The following GYS1 variants were observed in gnomAD, a reference collection of about 807,000 sequenced individuals.
GYS1 encodes glycogen [starch] synthase, muscle.
A neutral mutation model predicts 89.1 loss-of-function variants in GYS1; 60 were observed. That is an observed-to-expected ratio of 0.67 (90% confidence interval 0.55 to 0.84). The LOEUF (loss-of-function observed/expected upper bound fraction) is 0.84. GYS1 is among the 40% of genes least tolerant of loss of function. The pLI, the probability that GYS1 is intolerant of heterozygous loss-of-function variation, is 0.00. For synonymous variants in GYS1, 366 were observed against 401.7 expected (o/e 0.91, Z 1.06); for missense variants, 888 against 1,003.1 (o/e 0.89, Z 1.55).
At chr19:48,979,050 C>G (rs1330206924) in intron 8 of GYS1, among the ~76,000 whole-genome samples, 1 of 152,160 alleles carries the variant, frequency 6.6e-6, no homozygotes, top group East Asian at 1.9e-4. Flanking sequence ...GAATCAACCT[C>G]AGAGGTTTGC....
Position 48,972,140 on chromosome 19 carries a change from C to A in GYS1, c.1550-1117G>T, listed in dbSNP as rs868560484. ...GGTCAAGAAGAGAAAAAAAAAAAAA[C>A]CATCCTGGCCAACATGGTGAAACCC... On this transcript the variant is annotated intron_variant, in intron 12 of 15. Transcript: ENST00000323798. Among the ~76,000 whole-genome samples, 1,257 of 149,158 alleles carry A rather than the reference C, an allele frequency of 8.4e-3. 16 individuals are homozygous for A. Among genetic ancestry groups the A allele is most frequent in the African/African-American group, 0.028 (1,155 of 40,630 alleles).
chr19:48,979,652 T>C (rs1469074151), intron 8 of GYS1, among the ~76,000 whole-genome samples: 1 of 143,722 alleles, frequency 7.0e-6, no homozygotes, highest in Non-Finnish European at 1.5e-5. Flanking sequence ...CTTTCTTTTT[T>C]TTTTTTTTTT....
intron 8 of GYS1, among the ~76,000 whole-genome samples, chr19:48,980,790 G>A (rs1414555681): frequency 3.3e-5 from 5 of 152,122 alleles, no homozygotes. Flanking sequence ...GATCAGCCTG[G>A]CCAACATGGT....
At chr19:48,979,835 C>T (rs188792243) in intron 8 of GYS1, among the ~76,000 whole-genome samples, 13 of 150,522 alleles carry the variant, frequency 8.6e-5, no homozygotes, top group African/African-American at 9.8e-5. Context: ...TTAGGAAAGA[C>T]GGGGTTTCAC....
chr19:48,972,800 G>C (rs748996548), intron 12 of GYS1, among the ~76,000 whole-genome samples: 1 of 152,036 alleles, frequency 6.6e-6, no homozygotes, highest in Non-Finnish European at 1.5e-5. Flanking sequence ...TCTTATGTAA[G>C]TTTTCCTAAA....
In GYS1 at chr19:48,970,625, T is replaced by C; in HGVS notation, c.1730A>G (p.Gln577Arg). ...CTGGATGATACGCTGCCGCCGGCTC[T>C]GCTGACAGAAACTGTAGAGGAAGGA... ...LTSFLYSFCQ[Q>R]SRRQRIIQRN... The change falls in exon 14 of 16, where the codon CAG becomes CGG. Residue 577 changes from glutamine (Q) to arginine (R), a missense_variant. Transcript: ENST00000323798. 5.0e-6 allele frequency: 8 copies of C among 1,613,992 alleles called. No homozygotes were observed. The highest frequency in any genetic ancestry group is 6.8e-6 in the Non-Finnish European group (8 of 1,179,962).
At chr19:48,976,173 T>A (rs969758019) in intron 10 of GYS1, among the ~76,000 whole-genome samples, 1 of 152,022 alleles carries the variant, frequency 6.6e-6, no homozygotes, top group African/African-American at 2.4e-5. Flanking sequence ...GAAACATTCA[T>A]AATGAGGTGG....
chr19:48,985,715 C>G (rs1450649399), intron 4 of GYS1, 110 bp from the exon 5 acceptor site: 1 of 1,509,704 alleles, frequency 6.6e-7, no homozygotes, highest in Non-Finnish European at 9.2e-7. Context: ...ATTCCTGGGT[C>G]TGAGGTAGGA....
chr19:48,992,907 G>C, intron 1 of GYS1, 88 bp downstream of exon 1: 1 of 822,216 alleles, frequency 1.2e-6, no homozygotes, highest in Non-Finnish European at 2.2e-6. Flanking sequence ...GGTTCCCCTA[G>C]TAGCCCCGTC....
At chr19:48,980,869 C>A (rs779631024) in intron 8 of GYS1, among the ~76,000 whole-genome samples, 23 of 152,106 alleles carry the variant, frequency 1.5e-4, no homozygotes, top group Non-Finnish European at 2.2e-4. Context: ...AATCCCAGCA[C>A]TTTGGGAGGC....
At position 48,969,598 on chromosome 19, in the gene GYS1, C is replaced by T. The variant is rs200113836; in HGVS notation, c.1904G>A (p.Arg635His). The T allele has an allele frequency of 2.3e-5, 35 of 1,538,682 alleles. No individual in the cohort carries two copies. In the East Asian group the frequency reaches 2.7e-4, roughly 12 times the overall value. ...TGGCACCGAGGCTGGCCGTGGGTAG[C>T]GGTACCCCTGGGCCTGCATACGGCG... ...PNEADAAQGY[R>H]YPRPASVPPS... The change falls in exon 16 of 16, where the codon CGC becomes CAC. Residue 635 changes from arginine (R) to histidine (H), a missense_variant. Arg to His is a conservative substitution (Grantham distance 29). Coordinates refer to ENST00000323798, the MANE Select transcript of GYS1 (RefSeq NM_002103.5).
chr19:48,980,283 C>T (rs550274674), intron 8 of GYS1, among the ~76,000 whole-genome samples: 8 of 152,184 alleles, frequency 5.3e-5, no homozygotes, highest in African/African-American at 1.9e-4. Context: ...CTGACAACCC[C>T]GTCTCATATT....
chr19:48,970,431 T>G (rs770959916), intron 14 of GYS1, 115 bp downstream of exon 14: 148 of 896,642 alleles, frequency 1.7e-4, no homozygotes, highest in Non-Finnish European at 2.5e-4. Context: ...CCTGGTTCAT[T>G]GCTTAAAGGG....
chr19:48,970,359 A>G (rs1401020431), intron 14 of GYS1, 187 bp downstream of exon 14: 4 of 607,932 alleles, frequency 6.6e-6, no homozygotes, highest in East Asian at 2.8e-5. Context: ...AGCTCATGCG[A>G]TCCTTCCTGT....
chr19:48,989,260 T>C (rs917151004), intron 2 of GYS1, among the ~76,000 whole-genome samples: 1 of 151,624 alleles, frequency 6.6e-6, no homozygotes, highest in Non-Finnish European at 1.5e-5. Context: ...GGCGGGCGGA[T>C]TGCCTGAGCT....
At chr19:48,979,324 C>CTTTTTTCTTTTCT (rs2038710267) in intron 8 of GYS1, among the ~76,000 whole-genome samples, 1 of 68,184 alleles carries the variant, frequency 1.5e-5, no homozygotes, top group African/African-American at 4.7e-5. Flanking sequence ...GTCTCTTTTT[C>CTTTTTTCTTTTCT]TTTTTTCTTT....
intron 14 of GYS1, 53 bp from the exon 15 acceptor site, chr19:48,969,908 C>CA (rs2038530763): frequency 2.4e-6 from 3 of 1,273,718 alleles, no homozygotes; most frequent in Admixed American, 1.7e-5. Context: ...GCCCCACCCC[C>CA]AGGCAGATGA....
chr19:48,976,370 G>A (rs2122484909), intron 10 of GYS1, among the ~76,000 whole-genome samples: 1 of 152,202 alleles, frequency 6.6e-6, no homozygotes, highest in African/African-American at 2.4e-5. Flanking sequence ...GACAAGGGAA[G>A]CGTCAATGCC....
chr19:48,983,121 G>A (rs561394086), intron 5 of GYS1, among the ~76,000 whole-genome samples: 2 of 152,170 alleles, frequency 1.3e-5, no homozygotes, highest in African/African-American at 4.8e-5. Context: ...CGAGTAGCTG[G>A]CACTACAGGC....
Sources: gnomAD v4.1 joint callset for allele counts (sites outside exome capture counted in the v4.1 genomes callset) on GRCh38, gnomAD v4.1.1 for gene constraint, MANE v1.5 for transcripts, NCBI Gene and HGNC (gene_info 2026-07-23, HGNC 2026-07-21) for gene names.